The following EPHB1 variants were observed in gnomAD, a reference collection of about 807,000 sequenced individuals.
EPHB1 encodes the protein EPH receptor B1, also known as ephrin type-B receptor 1.
In EPHB1, 30 loss-of-function variants were observed where a neutral mutation model predicts 94.4. The observed-to-expected ratio is 0.32, with a 90% CI of 0.24 to 0.43. The LOEUF is 0.43. Among genes scored for constraint, EPHB1 ranks in the 20% least tolerant of loss-of-function variants. The pLI, the probability that EPHB1 is intolerant of heterozygous loss-of-function variation, is 1.00. For synonymous variants in EPHB1, 522 were observed against 489.1 expected (o/e 1.07, Z -0.89); for missense variants, 1,055 against 1,308.3 (o/e 0.81, Z 2.99).
At chr3:135,016,516 A>C (rs1048916972) in intron 3 of EPHB1, among the ~76,000 whole-genome samples, 1 of 152,158 alleles carries the variant, frequency 6.6e-6, no homozygotes, top group African/African-American at 2.4e-5. Flanking sequence ...AACCACCACC[A>C]CTCTGGGCAA....
intron 1 of EPHB1, among the ~76,000 whole-genome samples, chr3:134,868,058 G>A (rs1380965759): frequency 6.6e-6 from 1 of 152,202 alleles, no homozygotes; most frequent in Non-Finnish European, 1.5e-5. Context: ...GGTTAGATGA[G>A]TCACTGATGG....
intron 3 of EPHB1, among the ~76,000 whole-genome samples, chr3:135,103,955 T>C (rs1939116618): frequency 1.3e-5 from 2 of 152,246 alleles, no homozygotes; most frequent in South Asian, 4.1e-4. Context: ...TCAGGACAAT[T>C]GTTTATGCTG....
At chr3:135,083,074 G>C (rs142110335) in intron 3 of EPHB1, among the ~76,000 whole-genome samples, 12 of 152,158 alleles carry the variant, frequency 7.9e-5, no homozygotes, top group African/African-American at 2.9e-4. Context: ...TGTGTTCACC[G>C]GGAGCCAGTC....
intron 2 of EPHB1, among the ~76,000 whole-genome samples, chr3:134,941,112 T>C (rs1244234558): frequency 3.3e-5 from 5 of 152,224 alleles, no homozygotes; most frequent in African/African-American, 4.8e-5. Flanking sequence ...ATGATAGTCA[T>C]TGGGCATTCT....
At chr3:134,831,585 C>T (rs7653227) in intron 1 of EPHB1, among the ~76,000 whole-genome samples, 95,118 of 151,996 alleles carry the variant, frequency 0.63, 30,899 homozygotes, top group East Asian at 0.8. Flanking sequence ...TTCCCACAAG[C>T]TGCCGCCATG....
At chr3:135,099,053 T>C (rs1283238877) in intron 3 of EPHB1, among the ~76,000 whole-genome samples, 1 of 150,960 alleles carries the variant, frequency 6.6e-6, no homozygotes, top group Non-Finnish European at 1.5e-5. Flanking sequence ...ATCCACACTT[T>C]GTGTGGGAGT....
chr3:134,841,774 C>T (rs2036783073), intron 1 of EPHB1, among the ~76,000 whole-genome samples: 1 of 152,194 alleles, frequency 6.6e-6, no homozygotes, highest in East Asian at 1.9e-4. Flanking sequence ...ATATTCCTTT[C>T]CAGCCTAAAT....
At chr3:134,826,085 CAA>C (rs34879749) in intron 1 of EPHB1, among the ~76,000 whole-genome samples, 20,218 of 110,282 alleles carry the variant, frequency 0.18, 1,995 homozygotes, top group African/African-American at 0.31. Flanking sequence ...ACTAAAAATA[CAA>C]AAAAAAAAAA....
chr3:135,014,132 G>A (rs1454315035), intron 3 of EPHB1, among the ~76,000 whole-genome samples: 1 of 152,166 alleles, frequency 6.6e-6, no homozygotes, highest in South Asian at 2.1e-4. Flanking sequence ...GGGGAGCTAG[G>A]ATGTGGGCAC....
chr3:135,121,176 G>C (rs1308393750), intron 4 of EPHB1, among the ~76,000 whole-genome samples: 1 of 152,198 alleles, frequency 6.6e-6, no homozygotes, highest in Non-Finnish European at 1.5e-5. Flanking sequence ...TGGCTTGCGA[G>C]GAGCTGAGAT....
intron 3 of EPHB1, among the ~76,000 whole-genome samples, chr3:135,104,350 G>C (rs767615630): frequency 1.3e-5 from 2 of 152,202 alleles, no homozygotes; most frequent in African/African-American, 4.8e-5. Context: ...GTAAGCCAGA[G>C]TCTCCTCGGA....
chr3:134,933,264 G>C (rs141272917), intron 2 of EPHB1, among the ~76,000 whole-genome samples: 2 of 152,214 alleles, frequency 1.3e-5, no homozygotes, highest in African/African-American at 4.8e-5. Context: ...AGCAGCCCCA[G>C]CCCCTATAGC....
chr3:135,135,598 G>A (rs1309545620), intron 5 of EPHB1, among the ~76,000 whole-genome samples: 1 of 152,168 alleles, frequency 6.6e-6, no homozygotes, highest in Non-Finnish European at 1.5e-5. Context: ...AACCTTCCCA[G>A]AATACCCCTG....
intron 1 of EPHB1, among the ~76,000 whole-genome samples, chr3:134,866,512 A>C (rs2037382074): frequency 6.6e-6 from 1 of 152,050 alleles, no homozygotes; most frequent in Non-Finnish European, 1.5e-5. Flanking sequence ...CTAAGGTCCT[A>C]GGGTCATCTG....
intron 3 of EPHB1, among the ~76,000 whole-genome samples, chr3:134,979,240 G>C (rs900498461): frequency 1.1e-4 from 10 of 87,114 alleles, no homozygotes; most frequent in African/African-American, 7.9e-4. Context: ...CAAGTGATTA[G>C]ATCTTTGGAA....
At position 134,889,879 on chromosome 3, in the gene EPHB1, C is replaced by T. The variant is rs570475922; in HGVS notation, c.59-35937C>T. Among the ~76,000 whole-genome samples the T allele has an allele frequency of 9.9e-5, 15 of 151,916 alleles. No homozygotes were observed. The East Asian group carries it at 2.3e-3, about 24-fold the overall frequency. On this transcript the variant is annotated intron_variant, in intron 1 of 15. Coordinates refer to ENST00000398015, the MANE Select transcript of EPHB1 (RefSeq NM_004441.5). ...ATTTTTAGTAGAGACAGGGTTTCAC[C>T]GTGTTAGCCAGGATGGTCTCAATCT...
intron 13 of EPHB1, among the ~76,000 whole-genome samples, chr3:135,243,442 G>T (rs965493010): frequency 6.6e-6 from 1 of 152,172 alleles, no homozygotes; most frequent in African/African-American, 2.4e-5. Context: ...TTTGAGATGG[G>T]TCTCAGAGGG....
chr3:134,998,389 A>G (rs1935062234), intron 3 of EPHB1, among the ~76,000 whole-genome samples: 1 of 152,176 alleles, frequency 6.6e-6, no homozygotes, highest in Non-Finnish European at 1.5e-5. Context: ...CCAGTTCCTC[A>G]TTGGTAGTAG....
intron 1 of EPHB1, among the ~76,000 whole-genome samples, chr3:134,888,581 G>A (rs780274716): frequency 3.9e-5 from 6 of 152,022 alleles, no homozygotes; most frequent in African/African-American, 1.4e-4. Context: ...GGTGGCATGT[G>A]CCTGTAAGCC....
Sources: gnomAD v4.1 joint callset for allele counts (sites outside exome capture counted in the v4.1 genomes callset) on GRCh38, gnomAD v4.1.1 for gene constraint, MANE v1.5 for transcripts, NCBI Gene and HGNC (gene_info 2026-07-23, HGNC 2026-07-21) for gene names.